RTEL1: variants seen among roughly 807,000 people sequenced by gnomAD.
RTEL1 encodes the protein regulator of telomere elongation helicase 1, also known as regulator of telomere length.
RTEL1 carries 86 observed loss-of-function variants against 162.2 expected under a neutral mutation model. The ratio of observed to expected loss-of-function variants is 0.53; its 90% CI spans 0.45 to 0.63. The LOEUF (loss-of-function observed/expected upper bound fraction) is 0.63. RTEL1 is among the 30% of genes least tolerant of loss of function. The probability of loss-of-function intolerance (pLI) is 0.00; values close to 1 mark genes in which losing one functional copy is unlikely to be tolerated. For missense variants in RTEL1, 1,941 were observed against 1,750.2 expected (o/e 1.11, Z -1.95); for synonymous variants, 958 against 717.9 (o/e 1.33, Z -5.35).
chr20:63,693,165 C>T lies in RTEL1; in HGVS notation c.2874C>T (p.Pro958=), dbSNP rs369953611. ...LLQGFYQFVR[P]HHKQQFEEVC... is the part of the protein sequence containing the mutation. ...CAGGCTTCTACCAGTTTGTGCGGCC[C>T]CACCATAAGCAGCAGTTTGAGGAGG... Residue 958 remains proline, a synonymous_variant, in exon 30 of 35, where the codon CCC becomes CCT. Coordinates refer to ENST00000360203, the MANE Select transcript of RTEL1 (RefSeq NM_001283009.2). The T allele has an allele frequency of 1.2e-6, 2 of 1,612,196 alleles. No individual in the cohort carries two copies. Among genetic ancestry groups the T allele is most frequent in the South Asian group, 1.1e-5 (1 of 91,082 alleles).
chr20:63,675,609 G>A (rs1000199499), intron 10 of RTEL1, among the ~76,000 whole-genome samples: 3 of 152,100 alleles, frequency 2.0e-5, no homozygotes, highest in Non-Finnish European at 4.4e-5. Flanking sequence ...GGCCTCCTGG[G>A]CTCATGGGAT....
Position 63,659,483 on chromosome 20 carries a change from G to A in RTEL1, c.81G>A (p.Lys27=), listed in dbSNP as rs1475151056. 6.2e-7 allele frequency: 1 copy of A among 1,613,958 alleles called. No homozygotes were observed. Among genetic ancestry groups the A allele is most frequent in the East Asian group, 2.2e-5 (1 of 44,882 alleles). The part of the protein sequence containing the change: ...PYKCQQEYMT[K]VLECLQQKVN... Reference sequence around the variant, plus strand: ...AATGCCAACAGGAGTACATGACCAAGGTCCTGGAATGTCTGCAGCAGGTAG... The same window carrying A: ...AATGCCAACAGGAGTACATGACCAAAGTCCTGGAATGTCTGCAGCAGGTAG... The change falls in exon 2 of 35, where the codon AAG becomes AAA. Residue 27 remains lysine (K), a synonymous_variant. Transcript: ENST00000360203.
At chr20:63,692,332 C>G (rs557219578) in intron 28 of RTEL1, 2 of 222,656 alleles carry the variant, frequency 9.0e-6, no homozygotes, top group Non-Finnish European at 1.8e-5. Context: ...CCTGGGCTGG[C>G]GAGGGCCTGG....
At chr20:63,672,734 C>G in intron 9 of RTEL1, 113 bp downstream of exon 9, 1 of 870,342 alleles carries the variant, frequency 1.1e-6, no homozygotes, top group Non-Finnish European at 1.9e-6. Context: ...CCTAGGTGCC[C>G]AGGACTGGGG....
intron 6 of RTEL1, among the ~76,000 whole-genome samples, chr20:63,663,791 C>T (rs1305816125): frequency 2.0e-5 from 3 of 152,198 alleles, no homozygotes; most frequent in Non-Finnish European, 4.4e-5. Flanking sequence ...GGGCTGCTTT[C>T]TGCACTCACG....
Position 63,694,909 on chromosome 20 carries a change from A to G in RTEL1, c.3278A>G (p.Asp1093Gly), listed in dbSNP as rs374338519. The G allele has an allele frequency of 3.0e-5, 49 of 1,612,474 alleles. No individual in the cohort carries two copies. The African/African-American group carries it at 5.5e-4, about 18-fold the overall frequency. ...GCCTATAAGCAAGACGACGACCTCGACAAGGTGCTGGCTGTGTTGGCCGCC... is the reference window on the plus strand; with the variant it reads ...GCCTATAAGCAAGACGACGACCTCGGCAAGGTGCTGGCTGTGTTGGCCGCC... ...LTAYKQDDDLDKVLAVLAALT... is the reference protein window; with the variant it reads ...LTAYKQDDDLGKVLAVLAALT... The change falls in exon 32 of 35, where the codon GAC becomes GGC. Residue 1093 changes from aspartate (D) to glycine (G), a missense_variant. By Grantham distance (94) the Asp-to-Gly change is moderately conservative. Coordinates refer to ENST00000360203, the MANE Select transcript of RTEL1 (RefSeq NM_001283009.2).
In RTEL1 at chr20:63,693,206, C is replaced by T. The variant is rs199834369; in HGVS notation, c.2915C>T (p.Thr972Ile). 189 of 1,612,170 alleles carry T rather than the reference C, an allele frequency of 1.2e-4. 2 individuals are homozygous for T. The Admixed American group carries it at 3.0e-3, about 26-fold the overall frequency. The change falls in exon 30 of 35, where the codon ACA becomes ATA. Residue 972 changes from threonine to isoleucine, a missense_variant. Coordinates refer to ENST00000360203, the MANE Select transcript of RTEL1 (RefSeq NM_001283009.2). The stretch of plus-strand genomic sequence containing the variant: ...TTTGAGGAGGTCTGTATCCAGCTGA[C>T]AGGACGAGGCTGTGGCTATCGGCCT... ...QQFEEVCIQL[T>I]GRGCGYRPEH...
In RTEL1 at chr20:63,688,709, G is replaced by A. The variant is rs576981384; in HGVS notation, c.1800+104G>A. On this transcript the variant is annotated intron_variant, in intron 21 of 34. Coordinates refer to ENST00000360203, the MANE Select transcript of RTEL1 (RefSeq NM_001283009.2). ...ACTGGCCCTGACCATGGGCTCCGGC[G>A]GCTCCCGCTGCCTCTTCAGGGCTCC... 468 of 1,029,230 alleles carry A rather than the reference G, an allele frequency of 4.5e-4. 1 individual carries two copies. The highest frequency in any genetic ancestry group is 5.9e-4 in the Non-Finnish European group (421 of 708,718). 63.8% of individuals were successfully genotyped at this position (1,029,230 alleles called of 1,614,324 possible). A position where few individuals can be genotyped will look rare whatever the true frequency, so the allele number is the denominator to read the frequency against.
chr20:63,690,055 G>GGCAGGGCA, intron 24 of RTEL1, 32 bp from the exon 25 acceptor site: 1 of 1,604,036 alleles, frequency 6.2e-7, no homozygotes. Context: ...AGCGGCTGTG[G>GGCAGGGCA]GCAGGGCAGC....
At position 63,694,382 on chromosome 20, in the gene RTEL1, G is replaced by A. The variant is rs368070468; in HGVS notation, c.3003G>A (p.Ala1001=). 5.6e-5 allele frequency: 90 copies of A among 1,611,560 alleles called. No homozygotes were observed. Among genetic ancestry groups the A allele is most frequent in the Non-Finnish European group, 7.0e-5 (82 of 1,179,316 alleles). ...ACATCTCTTCATCAGGAAGAACGGC[G>A]CCGGATCCCAAGCTGACCGTGTCCA... ...QPVLDPTGRT[A]PDPKLTVSTA... is the part of the protein sequence containing the mutation. Residue 1001 remains alanine (A), a synonymous_variant, in exon 31 of 35, where the codon GCG becomes GCA. Transcript: ENST00000360203.
chr20:63,691,807 G>A lies in RTEL1; in HGVS notation c.2622G>A (p.Gly874=), dbSNP rs748675325. 1 of 1,612,072 alleles carries A rather than the reference G, an allele frequency of 6.2e-7. No homozygotes were observed. Among genetic ancestry groups the A allele is most frequent in the African/African-American group, 1.3e-5 (1 of 74,908 alleles). Reference sequence around the variant, plus strand: ...GGCCGGCAGAAGAACCGCGAGGAGGGAGGAAGAAGATCCGGCTGGTCAGCC... The same window carrying A: ...GGCCGGCAGAAGAACCGCGAGGAGGAAGGAAGAAGATCCGGCTGGTCAGCC... ...EKRPAEEPRG[G]RKKIRLVSHP... Residue 874 remains glycine, a synonymous_variant, in exon 28 of 35, where the codon GGG becomes GGA. Transcript: ENST00000360203.
chr20:63,692,523 C>T (rs2090774166), intron 28 of RTEL1: 2 of 517,008 alleles, frequency 3.9e-6, no homozygotes, highest in African/African-American at 1.9e-5. Context: ...ACGGGCCATG[C>T]AGGACCCCTG....
Position 63,668,624 on chromosome 20 carries a change from C to T in RTEL1, c.699+1071C>T. Among the ~76,000 whole-genome samples the T allele has an allele frequency of 6.6e-6, 1 of 152,028 alleles. No individual in the cohort carries two copies. The highest frequency in any genetic ancestry group is 1.5e-5 in the Non-Finnish European group (1 of 68,014). On this transcript the variant is annotated intron_variant, in intron 8 of 34. Transcript: ENST00000360203. This position sits in a 1 kb window ranked among gnomAD's most constrained non-coding sequence, Gnocchi z 4.3. ...TGAGTGGGGGCGGCTGGGGGGCCGA[C>T]TCCTGGGAAGCTGTAGCAGAACCCC...
rs1251256275 is a variant in RTEL1 at position 63,678,332 on chromosome 20, C to T, written c.1023C>T (p.Val341=). 6.2e-7 allele frequency: 1 copy of T among 1,612,462 alleles called. No individual in the cohort carries two copies. The highest frequency in any genetic ancestry group is 2.2e-5 in the East Asian group (1 of 44,866). Residue 341 remains valine, a synonymous_variant, in exon 12 of 35, where the codon GTC becomes GTT. Transcript: ENST00000360203. ...AGCTGCCTGGAGACGACAGCGGTGTCACCAAGCCAGGGAGGTGAGAGGCGG... is the reference window on the plus strand; with the variant it reads ...AGCTGCCTGGAGACGACAGCGGTGTTACCAAGCCAGGGAGGTGAGAGGCGG... ...AVELPGDDSG[V]TKPGSYIFEL... is the part of the protein sequence containing the mutation.
At chr20:63,670,721 C>T (rs949245599) in intron 8 of RTEL1, among the ~76,000 whole-genome samples, 5 of 152,038 alleles carry the variant, frequency 3.3e-5, no homozygotes, top group African/African-American at 9.6e-5. Flanking sequence ...CAGTGGCTCA[C>T]GCCTGTAATC....
At chr20:63,665,098 TG>T (rs1353008715) in intron 6 of RTEL1, 2 of 155,148 alleles carry the variant, frequency 1.3e-5, no homozygotes, top group African/African-American at 4.9e-5. Flanking sequence ...GGGTCATCGC[TG>T]GTGTGTGTGA....
In RTEL1 at chr20:63,661,501, C is replaced by T. The variant is rs906069055; in HGVS notation, c.301+5C>T. ...CTGCTGCTGGAGACCCCATAGGTGA[C>T]CCTAGTTCCCAGGCCTCTCCTGGCC... On this transcript the variant is annotated splice_donor_5th_base_variant and intron_variant, in intron 3 of 34. Coordinates refer to ENST00000360203, the MANE Select transcript of RTEL1 (RefSeq NM_001283009.2). This position sits in a 1 kb window ranked among gnomAD's most constrained non-coding sequence, Gnocchi z 5.1. 2.0e-5 allele frequency: 32 copies of T among 1,607,482 alleles called. No homozygotes were observed. Among genetic ancestry groups the T allele is most frequent in the African/African-American group, 2.7e-5 (2 of 74,868 alleles).
intron 30 of RTEL1, among the ~76,000 whole-genome samples, chr20:63,693,618 TCCACCACCACCTCCA>T (rs2090869337): frequency 5.3e-4 from 1 of 1,900 alleles, no homozygotes; most frequent in African/African-American, 3.2e-3. Flanking sequence ...CACCTCCACC[TCCACCACCACCTCCA>T]CCACCACCAC....
chr20:63,688,198 C>T lies in RTEL1; in HGVS notation c.1636+19C>T. 4 of 1,611,318 alleles carry T rather than the reference C, an allele frequency of 2.5e-6. No homozygotes were observed. Among genetic ancestry groups the T allele is most frequent in the Non-Finnish European group, 3.4e-6 (4 of 1,179,886 alleles). ...GCTCTGGGTGAGTGCCCTGAATGCC[C>T]CAGCTGTGCCCATCCTGGATCCTGG... On this transcript the variant is annotated intron_variant, in intron 19 of 34. Transcript: ENST00000360203.
Sources: allele counts gnomAD v4.1 joint callset (sites outside exome capture counted in the v4.1 genomes callset), GRCh38; gene constraint gnomAD v4.1.1; non-coding constraint Gnocchi (gnomAD v3.1); transcripts MANE v1.5; gene names NCBI Gene and HGNC (gene_info 2026-07-23, HGNC 2026-07-21).